Variants in LPA observed in about 807,000 individuals in gnomAD.
LPA encodes lipoprotein(a).
In LPA, 199 loss-of-function variants were observed where a neutral mutation model predicts 197.9. The observed-to-expected ratio is 1.01, with a 90% CI of 0.90 to 1.13. The LOEUF is 1.13. Ranked by LOEUF, LPA falls within the 50% of genes most tolerant of loss-of-function variation. The probability of loss-of-function intolerance (pLI) is 0.00; values close to 1 mark genes in which losing one functional copy is unlikely to be tolerated. For synonymous variants in LPA, 715 were observed against 639.5 expected, an observed-to-expected ratio of 1.12 and a Z score of -1.78; for missense variants, 1,853 against 1,785.8, an observed-to-expected ratio of 1.04 and a Z score of -0.68.
chr6:160,595,387 G>A lies in LPA; in HGVS notation c.3436C>T (p.Pro1146Ser). 1 of 1,613,032 alleles carries A rather than the reference G, an allele frequency of 6.2e-7. No individual in the cohort carries two copies. The highest frequency in any genetic ancestry group is 1.7e-5 in the Admixed American group (1 of 59,974). The change falls in exon 21 of 39, where the codon CCA becomes TCA. Residue 1146 changes from proline to serine, a missense_variant. Pro to Ser is a moderately conservative substitution (Grantham distance 74). Around this residue, in one of 3 missense-constraint regions of LPA, gnomAD observed 1,737 missense variants for 1,504.4 expected, o/e 1.15. Transcript: ENST00000316300. ...SSVLATLTVV[P>S]DPSTEASSEE... is the part of the protein sequence containing the mutation. ...GAAGAAGCCTCTGTGCTTGGATCTG[G>A]GACCACCGTGAGAGTTGCAAGGACA... is the stretch of plus-strand genomic sequence containing the variant.
intron 28 of LPA, among the ~76,000 whole-genome samples, chr6:160,571,395 T>C (rs1283389700): frequency 6.6e-6 from 1 of 152,176 alleles, no homozygotes; most frequent in Non-Finnish European, 1.5e-5. Flanking sequence ...TTATCAGAGC[T>C]CTAGTGCTGT....
chr6:160,606,920 G>A (rs868410299), intron 16 of LPA, among the ~76,000 whole-genome samples: 1 of 152,052 alleles, frequency 6.6e-6, no homozygotes, highest in Admixed American at 6.6e-5. Context: ...ATACATACAC[G>A]TGGGCAAAAA....
intron 24 of LPA, among the ~76,000 whole-genome samples, chr6:160,587,704 T>G (rs1299294618): frequency 6.6e-6 from 1 of 151,968 alleles, no homozygotes; most frequent in African/African-American, 2.4e-5. Flanking sequence ...AATGTGTGGA[T>G]TTTTCCTAGA....
At chr6:160,555,339 C>A (rs1408984204) in intron 30 of LPA, among the ~76,000 whole-genome samples, 2 of 138,242 alleles carry the variant, frequency 1.4e-5, no homozygotes, top group African/African-American at 2.7e-5. Flanking sequence ...GTGTGTCCTG[C>A]AAATTGTATG....
At chr6:160,598,959 T>A (rs1383764677) in intron 20 of LPA, among the ~76,000 whole-genome samples, 1 of 152,190 alleles carries the variant, frequency 6.6e-6, no homozygotes, top group African/African-American at 2.4e-5. Flanking sequence ...TTTGGTCATT[T>A]GTCATCCCGG....
rs1444990255 is a variant in LPA at position 160,650,434 on chromosome 6, C to T, written c.113G>A (p.Gly38Asp). The T allele has an allele frequency of 1.2e-6, 2 of 1,613,706 alleles. No homozygotes were observed. The highest frequency in any genetic ancestry group is 1.6e-4 in the Middle Eastern group (1 of 6,078). Residue 38 changes from glycine (G) to aspartate (D), a missense_variant, in exon 2 of 39, where the codon GGC becomes GAC. Physicochemically the swap from Gly to Asp is moderately conservative, Grantham distance 94 (BLOSUM62 -1). This residue lies in a region of LPA where 88 missense variants were observed against 83.0 expected (regional missense o/e 1.06). Coordinates refer to ENST00000316300, the MANE Select transcript of LPA (RefSeq NM_005577.4). ...TCCTGTGACAGTGGTGGAGTACGTG[C>T]CTCGATAACTCTGTCCATCACCATG... is the stretch of plus-strand genomic sequence containing the variant. Reference protein sequence around the residue: ...CYHGDGQSYRGTYSTTVTGRT... With the variant: ...CYHGDGQSYRDTYSTTVTGRT...
chr6:160,603,321 G>A (rs1159694946), intron 18 of LPA, among the ~76,000 whole-genome samples: 3 of 151,500 alleles, frequency 2.0e-5, no homozygotes, highest in Non-Finnish European at 4.4e-5. Flanking sequence ...TGTCATTTGT[G>A]TATGTGTAGC....
At chr6:160,593,012 C>T (rs538077384) in intron 22 of LPA, among the ~76,000 whole-genome samples, 2 of 152,218 alleles carry the variant, frequency 1.3e-5, no homozygotes, top group Admixed American at 6.5e-5. Context: ...CTTGTGCATA[C>T]GCAGCTTTGT....
intron 26 of LPA, among the ~76,000 whole-genome samples, chr6:160,583,245 T>G (rs946949287): frequency 2.0e-5 from 3 of 152,318 alleles, no homozygotes; most frequent in African/African-American, 7.2e-5. Context: ...TAGCAAATTT[T>G]TAAATGTATG....
chr6:160,594,747 A>G (rs1156918213), intron 21 of LPA, among the ~76,000 whole-genome samples: 1 of 152,208 alleles, frequency 6.6e-6, no homozygotes, highest in Non-Finnish European at 1.5e-5. Context: ...ACACAGATAT[A>G]TGTTCCATGA....
In LPA at chr6:160,557,578, A is replaced by C; in HGVS notation, c.4632-7T>G. 6.2e-7 allele frequency: 1 copy of C among 1,614,028 alleles called. No individual in the cohort carries two copies. The highest frequency in any genetic ancestry group is 8.5e-7 in the Non-Finnish European group (1 of 1,179,980). On this transcript the variant is annotated splice_region_variant and splice_polypyrimidine_tract_variant and intron_variant, in intron 28 of 38. Transcript: ENST00000316300. ...GTAGTTCTCGGTCAGGCCACTGCAA[A>C]TTCCAAAACAACACAGGTCACAAGA...
intron 38 of LPA, 135 bp downstream of exon 38, chr6:160,532,396 A>G: frequency 1.3e-6 from 1 of 760,162 alleles, no homozygotes; most frequent in Non-Finnish European, 2.4e-6. Flanking sequence ...AGATCTGGGG[A>G]GTTTCTGAGC....
At position 160,556,033 on chromosome 6, in the gene LPA, G is replaced by A. The variant is rs1397967667; in HGVS notation, c.4965C>T (p.Tyr1655=). Residue 1655 remains tyrosine, a synonymous_variant, in exon 30 of 39, where the codon TAC becomes TAT. Coordinates refer to ENST00000316300, the MANE Select transcript of LPA (RefSeq NM_005577.4). ...PHRHQRTPEN[Y]PNDGLTMNYC... ...TAACATCAAAGACATACTCATTTGG[G>A]TAGTTTTCTGGGGTCCTCTGATGCC... The A allele has an allele frequency of 1.9e-6, 3 of 1,605,452 alleles. No homozygotes were observed. Among genetic ancestry groups the A allele is most frequent in the Admixed American group, 1.7e-5 (1 of 59,962 alleles).
chr6:160,598,015 C>T (rs952169264), intron 20 of LPA, among the ~76,000 whole-genome samples: 3 of 152,118 alleles, frequency 2.0e-5, no homozygotes, highest in Non-Finnish European at 4.4e-5. Context: ...CTGGAGCTGC[C>T]TTTATTCTAG....
intron 32 of LPA, among the ~76,000 whole-genome samples, chr6:160,546,532 C>A (rs1778074303): frequency 6.6e-6 from 1 of 152,124 alleles, no homozygotes; most frequent in Non-Finnish European, 1.5e-5. Flanking sequence ...GTAATCAAAC[C>A]CATGGAGGGT....
rs1779333296 is a variant in LPA, at chr6:160,605,608, C to T, written c.2786-403G>A. ...GCACGATGCATTTGGGGGTACAGGC[C>T]ATACATGGTGATTGGGTGTTAGGGG... On this transcript the variant is annotated intron_variant, in intron 17 of 38. Coordinates refer to ENST00000316300, the MANE Select transcript of LPA (RefSeq NM_005577.4). Among the ~76,000 whole-genome samples the T allele has an allele frequency of 5.9e-5, 9 of 152,114 alleles. No individual in the cohort carries two copies. In the South Asian group the frequency reaches 1.9e-3, roughly 32 times the overall value.
chr6:160,649,284 T>C (rs541625552), intron 2 of LPA, among the ~76,000 whole-genome samples: 83 of 152,346 alleles, frequency 5.4e-4, no homozygotes, highest in African/African-American at 1.9e-3. Context: ...GTCATGTTTA[T>C]TGAGCTCACT....
chr6:160,663,159 T>A (rs1325358741), intron 1 of LPA, among the ~76,000 whole-genome samples: 1 of 152,258 alleles, frequency 6.6e-6, no homozygotes, highest in Non-Finnish European at 1.5e-5. Context: ...TCCCCTAAGC[T>A]AGCTTTGGAA....
At position 160,531,841 on chromosome 6, in the gene LPA, A is replaced by G; in HGVS notation, c.6011T>C (p.Leu2004Ser). Reference sequence around the variant, plus strand: ...AAGACCCCAAGAAGTGACTCCTTGTAAAATGTATTTGTCCTTCTCGAAGCA... The same window carrying G: ...AAGACCCCAAGAAGTGACTCCTTGTGAAATGTATTTGTCCTTCTCGAAGCA... Reference protein sequence around the residue: ...LVCFEKDKYILQGVTSWGLGC... With the variant: ...LVCFEKDKYISQGVTSWGLGC... Residue 2004 changes from leucine to serine, a missense_variant, in exon 39 of 39, where the codon TTA (leucine) becomes TCA (serine). Leu to Ser is a moderately radical substitution (Grantham distance 145). Transcript: ENST00000316300. The G allele has an allele frequency of 6.2e-7, 1 of 1,614,114 alleles. No individual in the cohort carries two copies. The highest frequency in any genetic ancestry group is 2.2e-5 in the East Asian group (1 of 44,884).
Sources: gnomAD v4.1 joint callset for allele counts (sites outside exome capture counted in the v4.1 genomes callset) on GRCh38, gnomAD v4.1.1 for gene constraint, gnomAD v4.1.1 regional missense constraint, MANE v1.5 for transcripts, NCBI Gene and HGNC (gene_info 2026-07-23, HGNC 2026-07-21) for gene names.